Variants in FBF1 observed in about 807,000 individuals in gnomAD.
FBF1 encodes Fas binding factor 1.
Under a neutral mutation model 147.2 loss-of-function variants are expected in FBF1, and 119 were observed. The observed-to-expected ratio is 0.81, with a 90% CI of 0.70 to 0.94. FBF1 has a LOEUF of 0.94. Among genes scored for constraint, FBF1 ranks in the 40% least tolerant of loss-of-function variants. The pLI is 0.00. For synonymous variants in FBF1, 601 were observed against 609.0 expected, an observed-to-expected ratio of 0.99 and a Z score of 0.19; for missense variants, 1,449 against 1,500.8, an observed-to-expected ratio of 0.97 and a Z score of 0.57.
In FBF1 at chr17:75,918,359, C is replaced by T. The variant is rs1489432636; in HGVS notation, c.2139-90G>A. 1.8e-6 allele frequency: 2 copies of T among 1,105,238 alleles called. No homozygotes were observed. The highest frequency in any genetic ancestry group is 2.6e-5 in the East Asian group (1 of 38,856). The allele number at this position is 1,105,238 out of a possible 1,614,324, so 68.5% of individuals were successfully genotyped here. A position where few individuals can be genotyped will look rare whatever the true frequency, so the allele number is the denominator to read the frequency against. ...TGTGGAAGGGTGTGTTTCCGTGCAGCCCTTGCTCCCAGGCCTCTCCTCCGC... is the reference window on the plus strand; with the variant it reads ...TGTGGAAGGGTGTGTTTCCGTGCAGTCCTTGCTCCCAGGCCTCTCCTCCGC... On this transcript the variant is annotated intron_variant, in intron 20 of 29. Transcript: ENST00000636174. This position sits in a 1 kb window ranked among gnomAD's most constrained non-coding sequence, Gnocchi z 5.8.
intron 4 of FBF1, among the ~76,000 whole-genome samples, chr17:75,934,523 T>C: frequency 6.9e-6 from 1 of 144,598 alleles, no homozygotes; most frequent in African/African-American, 2.6e-5. Flanking sequence ...GCCACTGCAC[T>C]CCAGCCTGGG....
At chr17:75,924,361 G>A (rs919680664) in intron 13 of FBF1, among the ~76,000 whole-genome samples, 5 of 152,212 alleles carry the variant, frequency 3.3e-5, no homozygotes, top group African/African-American at 9.7e-5. Flanking sequence ...AAGTAATGCC[G>A]ATGTGCTTAG....
At chr17:75,926,944 G>A in intron 9 of FBF1, 67 bp from the exon 10 acceptor site, 1 of 1,554,626 alleles carries the variant, frequency 6.4e-7, no homozygotes, top group East Asian at 2.4e-5. Flanking sequence ...AGCCTGAACT[G>A]GGGAGCAGCG....
chr17:75,912,413 GGCC>G, intron 28 of FBF1, 106 bp from the exon 29 acceptor site: 1 of 771,604 alleles, frequency 1.3e-6, no homozygotes, highest in Non-Finnish European at 2.0e-6. Context: ...GGTGGACCCT[GGCC>G]ATATACTCAG....
intron 8 of FBF1, 57 bp from the exon 9 acceptor site, chr17:75,927,589 C>A: frequency 6.7e-7 from 1 of 1,502,980 alleles, no homozygotes; most frequent in East Asian, 2.4e-5. Flanking sequence ...CAAAGTCCTC[C>A]TCCCATATCA....
intron 8 of FBF1, among the ~76,000 whole-genome samples, chr17:75,927,866 G>A (rs1241593206): frequency 1.3e-5 from 2 of 152,148 alleles, no homozygotes; most frequent in East Asian, 1.9e-4. Flanking sequence ...GGAACAGCTC[G>A]AGGAAGGGAG....
chr17:75,914,432 A>C, intron 25 of FBF1, 134 bp from the exon 26 acceptor site: 1 of 1,361,706 alleles, frequency 7.3e-7, no homozygotes, highest in East Asian at 2.6e-5. Flanking sequence ...AGGGAGAGCC[A>C]GAGAAGCCTG....
In FBF1 at chr17:75,920,376, C is replaced by T. The variant is rs749843867; in HGVS notation, c.1728G>A (p.Gln576=). The T allele has an allele frequency of 1.2e-6, 2 of 1,605,998 alleles. No homozygotes were observed. The highest frequency in any genetic ancestry group is 1.1e-5 in the South Asian group (1 of 89,438). Residue 576 remains glutamine, a synonymous_variant, in exon 18 of 30, where the codon CAG becomes CAA. Transcript: ENST00000636174. ...GCACCTGTGCTGCCAGGAGCTGCTTCTGGTATTCTGTGCTCGGCAGCAGGC... is the reference window on the plus strand; with the variant it reads ...GCACCTGTGCTGCCAGGAGCTGCTTTTGGTATTCTGTGCTCGGCAGCAGGC... The part of the protein sequence containing the change: ...ARSLLPSTEY[Q]KQLLAAQVQL...
At position 75,926,036 on chromosome 17, in the gene FBF1, G is replaced by A. The variant is rs535686868; in HGVS notation, c.862C>T (p.Pro288Ser). The A allele has an allele frequency of 6.2e-7, 1 of 1,610,118 alleles. No homozygotes were observed. Among genetic ancestry groups the A allele is most frequent in the East Asian group, 2.2e-5 (1 of 44,864 alleles). The change falls in exon 12 of 30, where the codon CCA becomes TCA. Residue 288 changes from proline to serine, a missense_variant. Coordinates refer to ENST00000636174, the MANE Select transcript of FBF1 (RefSeq NM_001319193.2). ...CCCCCGCAAGCCTCCTTACCCTGTG[G>A]CCTCTGGTACTTCTTGTCTAGCTTG... is the stretch of plus-strand genomic sequence containing the variant. Reference protein sequence around the residue: ...EFKLDKKYQRPQDSEDMWGDE... With the variant: ...EFKLDKKYQRSQDSEDMWGDE...
At position 75,917,744 on chromosome 17, in the gene FBF1, C is replaced by T; in HGVS notation, c.2493G>A (p.Arg831=). The T allele has an allele frequency of 1.3e-6, 2 of 1,596,966 alleles. No individual in the cohort carries two copies. The highest frequency in any genetic ancestry group is 2.3e-5 in the South Asian group (2 of 88,144). ...GGACGGGCCTCACCTGCTCCAGCAGCCGGCTCTGCTCATTCAGCCGTGCCT... is the reference window on the plus strand; with the variant it reads ...GGACGGGCCTCACCTGCTCCAGCAGTCGGCTCTGCTCATTCAGCCGTGCCT... ...KMEARLNEQS[R]LLEQERWRVT... The change falls in exon 23 of 30, where the codon CGG becomes CGA. Residue 831 remains arginine (R), a synonymous_variant. Transcript: ENST00000636174.
chr17:75,921,431 A>G (rs777404569), intron 16 of FBF1, 41 bp downstream of exon 16: 2 of 1,587,392 alleles, frequency 1.3e-6, no homozygotes, highest in Non-Finnish European at 1.7e-6. Flanking sequence ...TTCCTCACCC[A>G]GGGTTAAACT....
intron 28 of FBF1, chr17:75,913,399 C>G (rs914120442): frequency 4.0e-6 from 1 of 251,538 alleles, no homozygotes; most frequent in African/African-American, 2.2e-5. Context: ...CCGCCTGCCT[C>G]GGCTGCCGAA....
Position 75,928,740 on chromosome 17 carries a change from G to A in FBF1, c.280-547C>T, listed in dbSNP as rs2065576955. Among the ~76,000 whole-genome samples the A allele has an allele frequency of 6.6e-6, 1 of 152,090 alleles. No individual in the cohort carries two copies. The highest frequency in any genetic ancestry group is 2.4e-5 in the African/African-American group (1 of 41,492). ...GGAGAATCGCTTGAACCTGGGAGGT[G>A]GAGGTTGCAGTGAGCCGAGATCATG... On this transcript the variant is annotated intron_variant, in intron 7 of 29. Transcript: ENST00000636174. This position sits in a 1 kb window ranked among gnomAD's most constrained non-coding sequence, Gnocchi z 4.2.
At position 75,926,444 on chromosome 17, in the gene FBF1, GCC is replaced by G; in HGVS notation, c.596-20_596-19del. 3 of 1,536,420 alleles carry G rather than the reference GCC, an allele frequency of 2.0e-6. No homozygotes were observed. The highest frequency in any genetic ancestry group is 2.6e-6 in the Non-Finnish European group (3 of 1,144,636). On this transcript the variant is annotated intron_variant, in intron 10 of 29. Transcript: ENST00000636174. ...AGAGGGACCTGAAAGACAAAACAAG[GCC>G]CAATGCCTGCAGCCTTCTTGCCCTC...
At chr17:75,935,087 G>T (rs1461574051) in intron 4 of FBF1, among the ~76,000 whole-genome samples, 2 of 151,924 alleles carry the variant, frequency 1.3e-5, no homozygotes, top group Non-Finnish European at 2.9e-5. Flanking sequence ...GTTGATGGTT[G>T]TACAACTTTT....
At position 75,919,121 on chromosome 17, in the gene FBF1, G is replaced by C. The variant is rs2065507734; in HGVS notation, c.2138+547C>G. ...GAGGTCTCACTGTGTTGCCCAGACT[G>C]GTCTCAAACTCCTGGCCTCAAGTGA... is the stretch of plus-strand genomic sequence containing the variant. On this transcript the variant is annotated intron_variant, in intron 20 of 29. Transcript: ENST00000636174. The surrounding 1 kb of genome is among the most constrained non-coding windows in gnomAD (Gnocchi z 5.0). Among the ~76,000 whole-genome samples the C allele has an allele frequency of 6.6e-6, 1 of 151,936 alleles. No homozygotes were observed. The highest frequency in any genetic ancestry group is 1.5e-5 in the Non-Finnish European group (1 of 68,002).
chr17:75,915,188 C>G, intron 23 of FBF1, 49 bp from the exon 24 acceptor site: 2 of 1,561,704 alleles, frequency 1.3e-6, no homozygotes, highest in Non-Finnish European at 8.6e-7. Context: ...CCCTGAGGAT[C>G]ACGCCTGGCC....
chr17:75,922,618 C>T lies in FBF1; in HGVS notation c.1424+568G>A, dbSNP rs2065534921. ...CCTGGGCTCTGGCCACAGCACATCTCACCACTTCCTCTGGACTCCCCCAGC... is the reference window on the plus strand; with the variant it reads ...CCTGGGCTCTGGCCACAGCACATCTTACCACTTCCTCTGGACTCCCCCAGC... On this transcript the variant is annotated intron_variant, in intron 14 of 29. Transcript: ENST00000636174. This position sits in a 1 kb window ranked among gnomAD's most constrained non-coding sequence, Gnocchi z 5.0. Among the ~76,000 whole-genome samples the T allele has an allele frequency of 6.6e-6, 1 of 152,166 alleles. No individual in the cohort carries two copies.
chr17:75,932,135 C>A (rs1199763710), intron 5 of FBF1, among the ~76,000 whole-genome samples: 1 of 152,222 alleles, frequency 6.6e-6, no homozygotes, highest in Admixed American at 6.5e-5. Context: ...AATAACAGCA[C>A]TTTGGGAGGC....
Sources: gnomAD v4.1 joint callset for allele counts (sites outside exome capture counted in the v4.1 genomes callset) on GRCh38, gnomAD v4.1.1 for gene constraint, Gnocchi (gnomAD v3.1) non-coding constraint, MANE v1.5 for transcripts, NCBI Gene and HGNC (gene_info 2026-07-23, HGNC 2026-07-21) for gene names.